DLC1: variants seen among roughly 807,000 people sequenced by gnomAD.
DLC1 encodes the protein rho GTPase-activating protein 7.
DLC1 carries 54 observed loss-of-function variants against 140.3 expected under a neutral mutation model. The observed-to-expected ratio is 0.38, with a 90% CI of 0.31 to 0.48. The LOEUF (loss-of-function observed/expected upper bound fraction) is 0.48, where lower values mean the gene tolerates loss of function less well. DLC1 is among the 20% of genes least tolerant of loss of function. The pLI is 0.96. For synonymous variants in DLC1, 986 were observed against 728.1 expected (o/e 1.35, Z -5.70); for missense variants, 2,536 against 1,907.0 (o/e 1.33, Z -6.14).
At chr8:13,332,279 G>T (rs1482025129) in intron 4 of DLC1, among the ~76,000 whole-genome samples, 1 of 152,156 alleles carries the variant, frequency 6.6e-6, no homozygotes, top group Non-Finnish European at 1.5e-5. Flanking sequence ...ATTGGTTCCT[G>T]CAGTGCCTCC....
chr8:13,401,633 C>A lies in DLC1; in HGVS notation c.1024-14G>T, dbSNP rs764815596. ...TTCTCTTATTTCCTGAGGAACAGAA[C>A]ATTTTGTTACTGAATCTGAAAGGCC... On this transcript the variant is annotated splice_polypyrimidine_tract_variant and intron_variant, in intron 2 of 17. Coordinates refer to ENST00000276297, the MANE Select transcript of DLC1 (RefSeq NM_182643.3). 3 of 1,602,350 alleles carry A rather than the reference C, an allele frequency of 1.9e-6. No individual in the cohort carries two copies. Among genetic ancestry groups the A allele is most frequent in the Admixed American group, 1.7e-5 (1 of 57,880 alleles).
At chr8:13,586,131 A>T (rs748343140) in intron 1 of DLC1, among the ~76,000 whole-genome samples, 2 of 152,108 alleles carry the variant, frequency 1.3e-5, no homozygotes, top group Non-Finnish European at 2.9e-5. Flanking sequence ...TTGTCCTAGG[A>T]TAGAGATCTT....
intron 1 of DLC1, among the ~76,000 whole-genome samples, chr8:13,525,222 C>T (rs1802882995): frequency 6.6e-6 from 1 of 152,168 alleles, no homozygotes. Flanking sequence ...ATTTATTTAT[C>T]CAGTCATCTG....
intron 1 of DLC1, among the ~76,000 whole-genome samples, chr8:13,542,951 C>T (rs570963503): frequency 3.0e-4 from 46 of 152,098 alleles, no homozygotes; most frequent in African/African-American, 1.1e-3. Context: ...AAATGTTTTT[C>T]TGCACCTACT....
chr8:13,205,313 C>T (rs1402826407), intron 5 of DLC1, among the ~76,000 whole-genome samples: 1 of 151,186 alleles, frequency 6.6e-6, no homozygotes, highest in East Asian at 1.9e-4. Flanking sequence ...CTATTTATAT[C>T]ATTTTTTAAT....
At chr8:13,497,390 A>C (rs936394356) in intron 2 of DLC1, among the ~76,000 whole-genome samples, 10 of 152,212 alleles carry the variant, frequency 6.6e-5, no homozygotes, top group African/African-American at 2.4e-4. Flanking sequence ...ATTTATTAGA[A>C]GGCATCCTAA....
intron 1 of DLC1, among the ~76,000 whole-genome samples, chr8:13,570,924 T>C (rs1804631280): frequency 1.3e-5 from 2 of 152,170 alleles, no homozygotes; most frequent in African/African-American, 4.8e-5. Flanking sequence ...GTTAACTCTT[T>C]ACTTGCTGGG....
chr8:13,215,791 CAT>C (rs1828171304), intron 5 of DLC1, among the ~76,000 whole-genome samples: 1 of 152,162 alleles, frequency 6.6e-6, no homozygotes, highest in Non-Finnish European at 1.5e-5. Context: ...TTAGAAACCA[CAT>C]ATATTTTTCA....
chr8:13,153,582 T>C (rs554243832), intron 5 of DLC1, among the ~76,000 whole-genome samples: 1 of 152,316 alleles, frequency 6.6e-6, no homozygotes, highest in East Asian at 1.9e-4. Flanking sequence ...ATTGGTCCAT[T>C]TTACAGAGAG....
intron 5 of DLC1, among the ~76,000 whole-genome samples, chr8:13,183,376 G>A (rs1826154621): frequency 1.3e-5 from 2 of 152,158 alleles, no homozygotes; most frequent in Admixed American, 1.3e-4. Flanking sequence ...GTGAGAGAGG[G>A]CATCCTTGCC....
chr8:13,166,001 C>T (rs988894387), intron 5 of DLC1, among the ~76,000 whole-genome samples: 1 of 152,148 alleles, frequency 6.6e-6, no homozygotes, highest in African/African-American at 2.4e-5. Flanking sequence ...CACTGGGAGC[C>T]AGAGGGACTG....
chr8:13,584,052 C>G (rs1420244104), intron 1 of DLC1: 4 of 152,530 alleles, frequency 2.6e-5, no homozygotes, highest in African/African-American at 7.2e-5. Context: ...TAGAAAGTGT[C>G]TGAGTGCCTG....
intron 5 of DLC1, among the ~76,000 whole-genome samples, chr8:13,265,427 G>A (rs563703281): frequency 6.6e-5 from 10 of 152,238 alleles, no homozygotes; most frequent in African/African-American, 1.4e-4. Context: ...ATGGAAGGCC[G>A]CGAAGGTTCA....
intron 4 of DLC1, among the ~76,000 whole-genome samples, chr8:13,325,191 G>T (rs1182568682): frequency 6.6e-6 from 1 of 152,348 alleles, no homozygotes; most frequent in South Asian, 2.1e-4. Flanking sequence ...AAGTTGGTCA[G>T]TGTAGGCTGT....
chr8:13,492,846 GC>G (rs1801323994), intron 2 of DLC1, among the ~76,000 whole-genome samples: 1 of 152,110 alleles, frequency 6.6e-6, no homozygotes, highest in Admixed American at 6.6e-5. Context: ...ATATATTTGA[GC>G]CCCAAATATC....
In DLC1 at chr8:13,499,889, T is replaced by G. The variant is rs1801717339; in HGVS notation, c.183A>C (p.Leu61=). ...NVDRKEKCVS[L]PDCCHGSELR... ...GCTCTGATCCATGACAGCAGTCAGG[T>G]AGTGAAACACACTTCTCTTTGCGGT... is the stretch of plus-strand genomic sequence containing the variant. Residue 61 remains leucine, a synonymous_variant, in exon 2 of 18, where the codon CTA becomes CTC. Transcript: ENST00000276297. 6.2e-7 allele frequency: 1 copy of G among 1,613,972 alleles called. No homozygotes were observed. The highest frequency in any genetic ancestry group is 1.1e-5 in the South Asian group (1 of 91,084).
chr8:13,417,622 T>C (rs1838132596), intron 2 of DLC1, among the ~76,000 whole-genome samples: 2 of 152,078 alleles, frequency 1.3e-5, no homozygotes, highest in Non-Finnish European at 2.9e-5. Flanking sequence ...GTTGGACATT[T>C]GTGTTGGTTC....
intron 5 of DLC1, among the ~76,000 whole-genome samples, chr8:13,188,804 T>C (rs1199612048): frequency 2.8e-5 from 1 of 36,066 alleles, no homozygotes; most frequent in African/African-American, 1.2e-4. Context: ...TGTGTGTGTA[T>C]ATATATATAT....
intron 5 of DLC1, among the ~76,000 whole-genome samples, chr8:13,232,263 C>T (rs1459795782): frequency 6.6e-6 from 1 of 152,138 alleles, no homozygotes; most frequent in East Asian, 1.9e-4. Context: ...TCTTCCTCCA[C>T]AGTCGCTCAC....
Sources: allele counts gnomAD v4.1 joint callset (sites outside exome capture counted in the v4.1 genomes callset), GRCh38; gene constraint gnomAD v4.1.1; transcripts MANE v1.5; gene names NCBI Gene and HGNC (gene_info 2026-07-23, HGNC 2026-07-21).